Variants in RBFOX1 observed in about 807,000 individuals in gnomAD.
RBFOX1 encodes RNA binding protein fox-1 homolog 1.
In RBFOX1, 8 loss-of-function variants were observed where a neutral mutation model predicts 57.7. The observed-to-expected ratio is 0.14, with a 90% CI of 0.08 to 0.25. The LOEUF is 0.25. Ranked by LOEUF, RBFOX1 falls within the 10% of genes least tolerant of loss-of-function variation. The pLI is 1.00. For synonymous variants in RBFOX1, 326 were observed against 222.4 expected, an observed-to-expected ratio of 1.47 and a Z score of -4.15; for missense variants, 611 against 548.5, an observed-to-expected ratio of 1.11 and a Z score of -1.14.
intron 3 of RBFOX1, among the ~76,000 whole-genome samples, chr16:5,863,186 C>A (rs1334743043): frequency 2.0e-5 from 3 of 152,184 alleles, no homozygotes; most frequent in East Asian, 3.9e-4. Context: ...GAAGGAAACC[C>A]TTAATGTCGG....
At chr16:6,701,859 C>G (rs993204012) in intron 3 of RBFOX1, among the ~76,000 whole-genome samples, 11 of 152,056 alleles carry the variant, frequency 7.2e-5, no homozygotes, top group African/African-American at 2.7e-4. Context: ...AACAGAAAAG[C>G]AAATACTGTG....
intron 3 of RBFOX1, among the ~76,000 whole-genome samples, chr16:6,676,500 A>T (rs1406038220): frequency 1.3e-5 from 2 of 152,102 alleles, no homozygotes; most frequent in Admixed American, 1.3e-4. Context: ...TTGGGAATGA[A>T]AACTTTGACT....
Position 6,522,154 on chromosome 16 carries a change from AGTGTGTGT to A in RBFOX1, c.-63-132414_-63-132407del, listed in dbSNP as rs35360830. On this transcript the variant is annotated intron_variant, in intron 2 of 15. Coordinates refer to ENST00000550418, the MANE Select transcript of RBFOX1 (RefSeq NM_018723.4). ...TTTTAATGGCACTCTGGGGACCCACAGTGTGTGTGTGTGTGTGTGTGTGTGTGTGTGTG... is the reference window on the plus strand; with the variant it reads ...TTTTAATGGCACTCTGGGGACCCACAGTGTGTGTGTGTGTGTGTGTGTGTG... Among the ~76,000 whole-genome samples, 166 of 142,854 alleles carry A rather than the reference AGTGTGTGT, an allele frequency of 1.2e-3. 1 individual carries two copies. The highest frequency in any genetic ancestry group is 7.3e-3 in the Middle Eastern group (2 of 274). The allele number at this position is 142,854 out of a possible 152,430, so 93.7% of individuals were successfully genotyped here.
intron 1 of RBFOX1, among the ~76,000 whole-genome samples, chr16:6,190,932 G>A (rs568141107): frequency 6.6e-6 from 1 of 152,134 alleles, no homozygotes; most frequent in South Asian, 2.1e-4. Flanking sequence ...ACAACACGCC[G>A]GGGGCTCCAG....
chr16:5,688,311 G>A (rs370919954), intron 3 of RBFOX1, among the ~76,000 whole-genome samples: 1 of 152,132 alleles, frequency 6.6e-6, no homozygotes, highest in Non-Finnish European at 1.5e-5. Flanking sequence ...TAAGAAAAAA[G>A]CATTTTTTGC....
At chr16:5,324,903 T>C (rs2064521262) in intron 1 of RBFOX1, among the ~76,000 whole-genome samples, 1 of 152,100 alleles carries the variant, frequency 6.6e-6, no homozygotes, top group African/African-American at 2.4e-5. Flanking sequence ...GCCAAACCCA[T>C]TTATCCCCAG....
intron 3 of RBFOX1, among the ~76,000 whole-genome samples, chr16:7,016,226 C>G (rs1242576535): frequency 6.6e-6 from 1 of 152,078 alleles, no homozygotes; most frequent in Admixed American, 6.6e-5. Flanking sequence ...ACATGTATCC[C>G]CAAGTAATTA....
chr16:6,932,972 C>T (rs902627919), intron 3 of RBFOX1, among the ~76,000 whole-genome samples: 2 of 152,192 alleles, frequency 1.3e-5, no homozygotes, highest in Non-Finnish European at 2.9e-5. Flanking sequence ...TCTAGTATCT[C>T]ATGTAAGTGG....
At chr16:7,331,456 C>T (rs184229474) in intron 4 of RBFOX1, among the ~76,000 whole-genome samples, 1 of 152,280 alleles carries the variant, frequency 6.6e-6, no homozygotes, top group Admixed American at 6.5e-5. Flanking sequence ...CACACACCCA[C>T]ATGTCTTTCT....
chr16:6,727,451 G>T (rs1368355044), intron 3 of RBFOX1, among the ~76,000 whole-genome samples: 8 of 151,098 alleles, frequency 5.3e-5, no homozygotes, highest in African/African-American at 2.0e-4. Context: ...TTCCCCCGCT[G>T]CTTCCACCTA....
intron 3 of RBFOX1, among the ~76,000 whole-genome samples, chr16:5,816,140 A>G (rs1363419604): frequency 6.6e-6 from 1 of 152,136 alleles, no homozygotes; most frequent in Non-Finnish European, 1.5e-5. Flanking sequence ...ACAGGGAGTC[A>G]GCATTAACCC....
chr16:7,408,714 C>G (rs111358056), intron 4 of RBFOX1, among the ~76,000 whole-genome samples: 9 of 152,244 alleles, frequency 5.9e-5, no homozygotes, highest in African/African-American at 2.2e-4. Context: ...GGTAGACATC[C>G]CATGCATTGT....
At chr16:7,060,337 G>C (rs541507645) in intron 4 of RBFOX1, among the ~76,000 whole-genome samples, 6 of 152,226 alleles carry the variant, frequency 3.9e-5, no homozygotes, top group South Asian at 2.1e-4. Flanking sequence ...GGTGTATGTG[G>C]GAAGGTTAAT....
chr16:5,530,725 G>A (rs2044433031), intron 2 of RBFOX1, among the ~76,000 whole-genome samples: 1 of 151,954 alleles, frequency 6.6e-6, no homozygotes, highest in Non-Finnish European at 1.5e-5. Context: ...TCTAAACATT[G>A]CAGAACATCC....
At chr16:6,707,742 T>C (rs1244455068) in intron 3 of RBFOX1, among the ~76,000 whole-genome samples, 3 of 152,194 alleles carry the variant, frequency 2.0e-5, no homozygotes, top group Non-Finnish European at 4.4e-5. Flanking sequence ...TAATTCCAGA[T>C]TCTGCAACTT....
chr16:6,237,358 A>G (rs1330186224), intron 1 of RBFOX1, among the ~76,000 whole-genome samples: 1 of 152,188 alleles, frequency 6.6e-6, no homozygotes, highest in African/African-American at 2.4e-5. Context: ...TCATCCTTAT[A>G]TGGCCAGGTC....
chr16:6,984,614 A>G (rs1052192384), intron 3 of RBFOX1, among the ~76,000 whole-genome samples: 1 of 152,116 alleles, frequency 6.6e-6, no homozygotes, highest in Non-Finnish European at 1.5e-5. Flanking sequence ...AGCTCTGCCC[A>G]GTGAGTTTAC....
intron 2 of RBFOX1, among the ~76,000 whole-genome samples, chr16:6,447,772 C>A (rs942325897): frequency 1.2e-4 from 19 of 152,278 alleles, no homozygotes; most frequent in Admixed American, 3.9e-4. Context: ...TTATTTTTAG[C>A]ACTCAGTAAA....
At chr16:7,664,126 A>T (rs922193434) in intron 12 of RBFOX1, among the ~76,000 whole-genome samples, 5 of 152,244 alleles carry the variant, frequency 3.3e-5, no homozygotes, top group Admixed American at 3.3e-4. Context: ...ACACCCTTGT[A>T]CATATAAGTA....
Sources: allele counts gnomAD v4.1 joint callset (sites outside exome capture counted in the v4.1 genomes callset), GRCh38; gene constraint gnomAD v4.1.1; transcripts MANE v1.5; gene names NCBI Gene and HGNC (gene_info 2026-07-23, HGNC 2026-07-21).